The following AKT3 variants were observed in gnomAD, a reference collection of about 807,000 sequenced individuals.
AKT3 encodes RAC-gamma serine/threonine-protein kinase.
Under a neutral mutation model 65.3 loss-of-function variants are expected in AKT3, and 15 were observed. The ratio of observed to expected loss-of-function variants is 0.23; its 90% CI spans 0.15 to 0.35. AKT3 has a LOEUF of 0.35. AKT3 is among the 10% of genes least tolerant of loss of function. The pLI, the probability that AKT3 is intolerant of heterozygous loss-of-function variation, is 1.00. For missense variants in AKT3, 243 were observed against 576.5 expected, an observed-to-expected ratio of 0.42 and a Z score of 5.92; for synonymous variants, 206 against 183.8, an observed-to-expected ratio of 1.12 and a Z score of -0.98.
Position 243,615,649 on chromosome 1 carries a change from A to G in AKT3, c.562-488T>C, listed in dbSNP as rs1227282064. On this transcript the variant is annotated intron_variant, in intron 6 of 13. Transcript: ENST00000673466. ...TATTAGAACACAGAATACACATGCA[A>G]TATTTAGTTCTAAATTACACATTTT... Among the ~76,000 whole-genome samples the G allele has an allele frequency of 2.0e-5, 3 of 152,206 alleles. No homozygotes were observed. In the East Asian group the frequency reaches 5.8e-4, roughly 29 times the overall value.
At position 243,505,063 on chromosome 1, in the gene AKT3, CTG is replaced by C. The variant is rs1175887870; in HGVS notation, c.*184_*185del. On this transcript the variant is annotated 3_prime_UTR_variant, in exon 14 of 14. Coordinates refer to ENST00000673466, the MANE Select transcript of AKT3 (RefSeq NM_005465.7). The stretch of plus-strand genomic sequence containing the variant: ...ATACAATTTCATGCAAAAACAAAAA[CTG>C]GAGTGTATTTGCGTGTATGTGTGTT... The C allele has an allele frequency of 1.8e-6, 1 of 553,592 alleles. No individual in the cohort carries two copies. The highest frequency in any genetic ancestry group is 3.2e-6 in the Non-Finnish European group (1 of 312,052). 34.3% of individuals were successfully genotyped at this position (553,592 alleles called of 1,614,324 possible). A position where few individuals can be genotyped will look rare whatever the true frequency, so the allele number is the denominator to read the frequency against.
chr1:243,504,273 G>C lies in AKT3; in HGVS notation c.*976C>G, dbSNP rs1427347857. 6 of 208,298 alleles carry C rather than the reference G, an allele frequency of 2.9e-5. No individual in the cohort carries two copies. The East Asian group carries it at 4.4e-4, about 15-fold the overall frequency. 12.9% of individuals were successfully genotyped at this position (208,298 alleles called of 1,614,324 possible). A position where few individuals can be genotyped will look rare whatever the true frequency, so the allele number is the denominator to read the frequency against. ...ACAAAATCATAAAAGGACATTCAAA[G>C]TTTCAACATCTGAGAAAAAGCTAAT... On this transcript the variant is annotated 3_prime_UTR_variant, in exon 14 of 14. Transcript: ENST00000673466.
chr1:243,763,327 T>A (rs1221817261), intron 2 of AKT3, among the ~76,000 whole-genome samples: 1 of 152,124 alleles, frequency 6.6e-6, no homozygotes, highest in Non-Finnish European at 1.5e-5. Context: ...AGAATCCTGC[T>A]GTCTTTAAAA....
At chr1:243,562,435 AGT>A (rs1673859405) in intron 10 of AKT3, among the ~76,000 whole-genome samples, 1 of 152,218 alleles carries the variant, frequency 6.6e-6, no homozygotes, top group Admixed American at 6.5e-5. Flanking sequence ...AAATCACCAA[AGT>A]GTGTATTTTA....
At chr1:243,651,899 T>A (rs1321054618) in intron 4 of AKT3, among the ~76,000 whole-genome samples, 1 of 151,856 alleles carries the variant, frequency 6.6e-6, no homozygotes, top group African/African-American at 2.4e-5. Flanking sequence ...AGTCAAAATG[T>A]AGGAAAAAAT....
At chr1:243,554,771 G>T (rs1673300176) in intron 10 of AKT3, among the ~76,000 whole-genome samples, 1 of 151,618 alleles carries the variant, frequency 6.6e-6, no homozygotes, top group African/African-American at 2.4e-5. Context: ...GCCAAATGTG[G>T]TTTTTAACCT....
chr1:243,618,826 C>T (rs1678530644), intron 6 of AKT3, among the ~76,000 whole-genome samples: 1 of 152,024 alleles, frequency 6.6e-6, no homozygotes, highest in Non-Finnish European at 1.5e-5. Context: ...ATTTGACCCT[C>T]TCGATGTTTT....
At chr1:243,591,047 A>AG (rs1676192152) in intron 8 of AKT3, among the ~76,000 whole-genome samples, 1 of 152,214 alleles carries the variant, frequency 6.6e-6, no homozygotes, top group Non-Finnish European at 1.5e-5. Flanking sequence ...AATGATACTG[A>AG]GTTCAGAGAC....
chr1:243,697,341 T>C (rs1015465767), intron 2 of AKT3, among the ~76,000 whole-genome samples: 4 of 151,920 alleles, frequency 2.6e-5, no homozygotes, highest in African/African-American at 9.7e-5. Flanking sequence ...CCTGCTGCAG[T>C]ATGTTGTTTT....
intron 2 of AKT3, among the ~76,000 whole-genome samples, chr1:243,823,189 C>T (rs1693964923): frequency 6.6e-6 from 1 of 152,182 alleles, no homozygotes; most frequent in Non-Finnish European, 1.5e-5. Flanking sequence ...ACATGATTAT[C>T]TCAAAAGACT....
chr1:243,737,479 G>T (rs995169601), intron 2 of AKT3, among the ~76,000 whole-genome samples: 1 of 151,938 alleles, frequency 6.6e-6, no homozygotes, highest in African/African-American at 2.4e-5. Context: ...CAAAGTGTGG[G>T]TTCTACAATG....
At chr1:243,508,276 C>G (rs1169072477) in intron 13 of AKT3, among the ~76,000 whole-genome samples, 60 of 152,286 alleles carry the variant, frequency 3.9e-4, no homozygotes, top group Non-Finnish European at 4.4e-5. Context: ...CTAGAAGAAC[C>G]CAGAAGCTGC....
At chr1:243,544,362 G>A (rs73122363) in intron 12 of AKT3, among the ~76,000 whole-genome samples, 11,391 of 151,792 alleles carry the variant, frequency 0.075, 622 homozygotes, top group African/African-American at 0.15. Context: ...AGTGGTTCAC[G>A]TCTGTAATCC....
chr1:243,649,136 G>A (rs899724351), intron 4 of AKT3, among the ~76,000 whole-genome samples: 4 of 151,774 alleles, frequency 2.6e-5, no homozygotes, highest in Non-Finnish European at 1.5e-5. Context: ...TGGCTCTTGT[G>A]AGTTTTTTGA....
chr1:243,493,995 G>A (rs1667204884), intron 13 of AKT3, among the ~76,000 whole-genome samples: 1 of 152,116 alleles, frequency 6.6e-6, no homozygotes, highest in Non-Finnish European at 1.5e-5. Flanking sequence ...GTTAGGCCTT[G>A]GAGGTGTCAC....
chr1:243,725,599 G>A (rs1231983729), intron 2 of AKT3, among the ~76,000 whole-genome samples: 1 of 152,086 alleles, frequency 6.6e-6, no homozygotes, highest in African/African-American at 2.4e-5. Context: ...AGGGTCGGGG[G>A]CATAACCACA....
intron 7 of AKT3, 151 bp from the exon 8 acceptor site, chr1:243,613,890 T>C (rs1242399878): frequency 2.2e-6 from 1 of 458,028 alleles, no homozygotes; most frequent in African/African-American, 2.0e-5. Flanking sequence ...TAAAAGTGCT[T>C]AAGAGTTTAT....
intron 5 of AKT3, among the ~76,000 whole-genome samples, chr1:243,640,360 A>G (rs1397622463): frequency 6.6e-6 from 1 of 152,186 alleles, no homozygotes; most frequent in African/African-American, 2.4e-5. Flanking sequence ...TTCTCCCTGT[A>G]TGCACATTCC....
At chr1:243,683,337 C>A (rs970469604) in intron 3 of AKT3, among the ~76,000 whole-genome samples, 1 of 152,070 alleles carries the variant, frequency 6.6e-6, no homozygotes, top group East Asian at 1.9e-4. Context: ...AACATAATAA[C>A]CCTCAATAAA....
Sources: gnomAD v4.1 joint callset for allele counts (sites outside exome capture counted in the v4.1 genomes callset) on GRCh38, gnomAD v4.1.1 for gene constraint, MANE v1.5 for transcripts, NCBI Gene and HGNC (gene_info 2026-07-23, HGNC 2026-07-21) for gene names.